The following DUSP13B variants were observed in gnomAD, a reference collection of about 807,000 sequenced individuals.
The protein encoded by DUSP13B is dual specificity protein phosphatase 13B.
chr10:75,108,987 C>G, the DUSP13B span: 1 of 1,587,418 alleles, frequency 6.3e-7, no homozygotes, highest in South Asian at 1.1e-5. Flanking sequence ...ACCCCCATGC[C>G]CCTTGGCCAG....
chr10:75,102,770 T>C, the DUSP13B span, among the ~76,000 whole-genome samples: 15 of 152,026 alleles, frequency 9.9e-5, no homozygotes, highest in Admixed American at 9.8e-4. Context: ...CTGACTAACA[T>C]GGAGAAAACC....
chr10:75,098,665 G>A, the DUSP13B span, among the ~76,000 whole-genome samples: 2 of 152,304 alleles, frequency 1.3e-5, no homozygotes. Context: ...GGGAGGCTGA[G>A]GCAGGAGAAC....
the DUSP13B span, chr10:75,109,168 GCCCA>G: frequency 3.1e-5 from 48 of 1,560,334 alleles, no homozygotes; most frequent in African/African-American, 6.4e-4. Flanking sequence ...GGGCCAGCCC[GCCCA>G]CCCCTCTGCC....
the DUSP13B span, chr10:75,097,696 C>A: frequency 2.6e-6 from 4 of 1,548,894 alleles, no homozygotes; most frequent in East Asian, 4.7e-5. Context: ...CCACTCCTAA[C>A]GTGGGTCTTA....
At chr10:75,106,052 G>A in the DUSP13B span, among the ~76,000 whole-genome samples, 1 of 151,300 alleles carries the variant, frequency 6.6e-6, no homozygotes, top group African/African-American at 2.4e-5. Context: ...CACCTGTTCT[G>A]CCTACCCTTG....
At chr10:75,103,861 G>A in the DUSP13B span, 2 of 1,282,528 alleles carry the variant, frequency 1.6e-6, no homozygotes, top group South Asian at 2.5e-5. Context: ...CAAGAAGCCT[G>A]AGGGCTTGGC....
chr10:75,096,348 G>T, the DUSP13B span, among the ~76,000 whole-genome samples: 1 of 152,040 alleles, frequency 6.6e-6, no homozygotes, highest in Non-Finnish European at 1.5e-5. Context: ...AGACTAAGGC[G>T]GGAGGATTCA....
the DUSP13B span, among the ~76,000 whole-genome samples, chr10:75,100,321 C>T: frequency 6.6e-6 from 1 of 152,170 alleles, no homozygotes; most frequent in African/African-American, 2.4e-5. Context: ...TCAGGCTCCA[C>T]CTAATGCCTT....
the DUSP13B span, among the ~76,000 whole-genome samples, chr10:75,102,615 C>T: frequency 6.6e-6 from 1 of 151,558 alleles, no homozygotes; most frequent in African/African-American, 2.4e-5. Context: ...CAAGACCAGT[C>T]TAGGCAATAT....
chr10:75,101,421 A>G, the DUSP13B span, among the ~76,000 whole-genome samples: 473 of 152,246 alleles, frequency 3.1e-3, 2 homozygotes, highest in African/African-American at 0.011. Context: ...TAACTTCCCT[A>G]CGGGACAGTG....
the DUSP13B span, among the ~76,000 whole-genome samples, chr10:75,101,336 G>T: frequency 1.3e-5 from 2 of 152,108 alleles, no homozygotes; most frequent in East Asian, 3.9e-4. Context: ...CCAATAAATG[G>T]CACGTCTTAC....
the DUSP13B span, among the ~76,000 whole-genome samples, chr10:75,103,633 G>C: frequency 1.3e-5 from 2 of 152,198 alleles, no homozygotes. Context: ...TGCACTCCCA[G>C]ATGGTGGGAA....
chr10:75,097,643 C>G, the DUSP13B span: 1 of 1,425,618 alleles, frequency 7.0e-7, no homozygotes, highest in East Asian at 2.6e-5. Context: ...GAGAGAGGCT[C>G]ATGCCCCCAT....
chr10:75,108,216 A>C, the DUSP13B span: 1 of 1,584,904 alleles, frequency 6.3e-7, no homozygotes, highest in Non-Finnish European at 8.6e-7. Context: ...GGCCCTGGGG[A>C]GGGCAGGAAG....
the DUSP13B span, among the ~76,000 whole-genome samples, chr10:75,104,921 C>G: frequency 3.3e-5 from 5 of 151,968 alleles, no homozygotes; most frequent in African/African-American, 4.8e-5. Context: ...AGGCCCTGCC[C>G]TGGGAGGTTT....
chr10:75,097,959 T>C, the DUSP13B span: 9 of 1,383,348 alleles, frequency 6.5e-6, no homozygotes, highest in South Asian at 4.4e-5. Context: ...GGGAAGCCCA[T>C]GGTGCAGTGC....
the DUSP13B span, chr10:75,108,315 G>C: frequency 6.8e-7 from 1 of 1,479,398 alleles, no homozygotes; most frequent in Non-Finnish European, 8.9e-7. Context: ...AGGGTCCAAA[G>C]AGAGTCCAAC....
At chr10:75,107,852 C>T in the DUSP13B span, 8 of 1,085,508 alleles carry the variant, frequency 7.4e-6, 1 homozygote, top group Admixed American at 2.1e-4. Flanking sequence ...GCTAGGATTA[C>T]AAGCATGAGC....
At chr10:75,094,858 C>T in the DUSP13B span, 1 of 1,614,114 alleles carries the variant, frequency 6.2e-7, no homozygotes, top group East Asian at 2.2e-5. Context: ...ACCCCCATGG[C>T]ACAGTGTACC....
Sources: gnomAD v4.1 joint callset for allele counts (sites outside exome capture counted in the v4.1 genomes callset) on GRCh38, gnomAD v4.1.1 for gene constraint, MANE v1.5 for transcripts, NCBI Gene and HGNC (gene_info 2026-07-23, HGNC 2026-07-21) for gene names.